Variants in SOX13 observed in about 807,000 individuals in gnomAD.
SOX13 encodes SRY-box transcription factor 13.
In SOX13, 28 loss-of-function variants were observed where a neutral mutation model predicts 71.8. The ratio of observed to expected loss-of-function variants is 0.39; its 90% CI spans 0.29 to 0.53. SOX13 has a LOEUF of 0.53. Among genes scored for constraint, SOX13 ranks in the 20% least tolerant of loss-of-function variants. The probability of loss-of-function intolerance (pLI) is 0.70; values close to 1 mark genes in which losing one functional copy is unlikely to be tolerated. For synonymous variants in SOX13, 309 were observed against 317.8 expected (o/e 0.97, Z 0.29); for missense variants, 627 against 810.3 (o/e 0.77, Z 2.75).
chr1:204,101,093 A>G (rs559015016), intron 1 of SOX13, among the ~76,000 whole-genome samples: 1 of 152,320 alleles, frequency 6.6e-6, no homozygotes, highest in Admixed American at 6.5e-5. Flanking sequence ...TTGTTTGCTG[A>G]CTGTTTGCAT....
chr1:204,116,524 G>C lies in SOX13; in HGVS notation c.436G>C (p.Ala146Pro). The C allele has an allele frequency of 1.2e-6, 2 of 1,613,984 alleles. No homozygotes were observed. Among genetic ancestry groups the C allele is most frequent in the Non-Finnish European group, 1.7e-6 (2 of 1,179,870 alleles). The change falls in exon 5 of 14, where the codon GCA (alanine) becomes CCA (proline). Residue 146 changes from alanine (A) to proline (P), a missense_variant. Around this residue, in one of 3 missense-constraint regions of SOX13, gnomAD observed 447 missense variants for 532.2 expected, o/e 0.84. Coordinates refer to ENST00000367204, the MANE Select transcript of SOX13 (RefSeq NM_005686.3). ...TGGAGCAGGGACCCAAGAGAGCCTA[G>C]CAGAGAAGGAGCTCCAGCTTCTGGT... is the stretch of plus-strand genomic sequence containing the variant. ...KDVKGTQESL[A>P]EKELQLLVMI... is the part of the protein sequence containing the mutation.
chr1:204,096,239 G>GTTTT lies in SOX13; in HGVS notation c.-1-16661_-1-16658dup, dbSNP rs59094119. 1.4e-3 allele frequency among the ~76,000 whole-genome samples: 122 copies of GTTTT among 85,354 alleles called. 11 individuals carry two copies. Among genetic ancestry groups the GTTTT allele is most frequent in the Middle Eastern group, 0.014 (1 of 72 alleles). The allele number at this position is 85,354 out of a possible 152,430, so 56.0% of individuals were successfully genotyped here. On this transcript the variant is annotated intron_variant, in intron 1 of 13. Transcript: ENST00000367204. ...CTTTTCTTTTCTTTTTCTTTCTTTC[G>GTTTT]TTTTTTTTTTTTTTTTTTGCGACAG...
At chr1:204,108,937 G>T (rs1656522143) in intron 1 of SOX13, among the ~76,000 whole-genome samples, 2 of 152,174 alleles carry the variant, frequency 1.3e-5, no homozygotes, top group East Asian at 1.9e-4. Flanking sequence ...TGAGCCCAGG[G>T]TTTGTTTGTT....
chr1:204,089,445 C>T (rs1656096124), intron 1 of SOX13, among the ~76,000 whole-genome samples: 1 of 152,194 alleles, frequency 6.6e-6, no homozygotes, highest in Non-Finnish European at 1.5e-5. Context: ...GAAATGAGGT[C>T]AGGACAGTGA....
Position 204,123,361 on chromosome 1 carries a change from C to A in SOX13, c.1231+153C>A, listed in dbSNP as rs368896612. Among the ~76,000 whole-genome samples, 122 of 152,280 alleles carry A rather than the reference C, an allele frequency of 8.0e-4. 1 individual carries two copies. The highest frequency in any genetic ancestry group is 4.6e-3 in the South Asian group (22 of 4,822). On this transcript the variant is annotated intron_variant, in intron 11 of 13. Transcript: ENST00000367204. This position sits in a 1 kb window ranked among gnomAD's most constrained non-coding sequence, Gnocchi z 5.0. Reference sequence around the variant, plus strand: ...CTCTGCTGTCCCATTATGTGTCTGTCGGCTCTGTCTCTGAGTCTGCTTTCC... The same window carrying A: ...CTCTGCTGTCCCATTATGTGTCTGTAGGCTCTGTCTCTGAGTCTGCTTTCC...
chr1:204,105,373 G>A (rs775509147), intron 1 of SOX13, among the ~76,000 whole-genome samples: 3 of 151,922 alleles, frequency 2.0e-5, no homozygotes, highest in Non-Finnish European at 4.4e-5. Flanking sequence ...ATGCCGCTTA[G>A]CGCCCCAGCT....
At chr1:204,080,404 C>T (rs1051017507) in intron 1 of SOX13, among the ~76,000 whole-genome samples, 11 of 152,122 alleles carry the variant, frequency 7.2e-5, no homozygotes, top group African/African-American at 2.2e-4. Flanking sequence ...GGGGAAGGGG[C>T]CACAGACTGG....
At chr1:204,107,415 C>G (rs1467077457) in intron 1 of SOX13, among the ~76,000 whole-genome samples, 1 of 152,114 alleles carries the variant, frequency 6.6e-6, no homozygotes, top group Non-Finnish European at 1.5e-5. Context: ...TGCAGAGTGA[C>G]AGAGCAGTGA....
chr1:204,079,533 T>C (rs1311981896), intron 1 of SOX13, among the ~76,000 whole-genome samples: 3 of 151,530 alleles, frequency 2.0e-5, no homozygotes, highest in Admixed American at 2.0e-4. Flanking sequence ...TTTAGGAGAG[T>C]TGGGGTTTCA....
intron 1 of SOX13, chr1:204,074,015 GC>G (rs1655730752): frequency 6.6e-6 from 1 of 151,728 alleles, no homozygotes; most frequent in South Asian, 2.1e-4. Context: ...GCGCGCGCGC[GC>G]GCGTTCACCA....
intron 5 of SOX13, 104 bp downstream of exon 5, chr1:204,116,783 C>T: frequency 6.5e-7 from 1 of 1,536,102 alleles, no homozygotes; most frequent in Non-Finnish European, 8.8e-7. Context: ...CAAGCTGGGG[C>T]CTGGGGGCAG....
intron 1 of SOX13, among the ~76,000 whole-genome samples, chr1:204,110,136 G>A (rs986318502): frequency 2.0e-5 from 3 of 151,386 alleles, no homozygotes; most frequent in Non-Finnish European, 4.4e-5. Flanking sequence ...CTGGCCAGTT[G>A]TTATCATTTC....
chr1:204,079,065 A>G (rs1180646379), intron 1 of SOX13, among the ~76,000 whole-genome samples: 9 of 152,060 alleles, frequency 5.9e-5, no homozygotes, highest in Admixed American at 3.9e-4. Context: ...TTGGGAGGCC[A>G]AGGCGGGCGG....
At chr1:204,125,378 A>G (rs571659992) in intron 13 of SOX13, among the ~76,000 whole-genome samples, 56 of 152,198 alleles carry the variant, frequency 3.7e-4, no homozygotes, top group African/African-American at 1.2e-3. Context: ...CAGCCTGGGC[A>G]ACATAGTGAA....
chr1:204,090,303 C>T (rs1656114954), intron 1 of SOX13, among the ~76,000 whole-genome samples: 1 of 152,028 alleles, frequency 6.6e-6, no homozygotes. Context: ...CTATTATTAT[C>T]CTCCACACTG....
At chr1:204,107,944 T>C (rs1404116228) in intron 1 of SOX13, among the ~76,000 whole-genome samples, 1 of 152,040 alleles carries the variant, frequency 6.6e-6, no homozygotes, top group African/African-American at 2.4e-5. Flanking sequence ...CCAGGAGCCA[T>C]TGTCTTTGTG....
chr1:204,123,437 T>G lies in SOX13; in HGVS notation c.1232-224T>G, dbSNP rs1206441498. 6.6e-6 allele frequency among the ~76,000 whole-genome samples: 1 copy of G among 152,232 alleles called. No homozygotes were observed. ...GCTCTCTCTTGAGGCCATACCGCTG[T>G]GATTTTCTTGTGTGTCTGTCTCTGG... On this transcript the variant is annotated intron_variant, in intron 11 of 13. Coordinates refer to ENST00000367204, the MANE Select transcript of SOX13 (RefSeq NM_005686.3). This position sits in a 1 kb window ranked among gnomAD's most constrained non-coding sequence, Gnocchi z 5.0.
chr1:204,089,786 C>T (rs951939919), intron 1 of SOX13, among the ~76,000 whole-genome samples: 4 of 152,214 alleles, frequency 2.6e-5, no homozygotes, highest in Admixed American at 6.5e-5. Flanking sequence ...GCCCAGGGCT[C>T]ATCACTGGTC....
intron 1 of SOX13, among the ~76,000 whole-genome samples, chr1:204,110,925 G>A (rs890536360): frequency 4.6e-4 from 70 of 151,654 alleles, no homozygotes; most frequent in Middle Eastern, 6.8e-3. Flanking sequence ...ATCAAAAAAT[G>A]TATTTAACAG....
Sources: gnomAD v4.1 joint callset for allele counts (sites outside exome capture counted in the v4.1 genomes callset) on GRCh38, gnomAD v4.1.1 for gene constraint, gnomAD v4.1.1 regional missense constraint, Gnocchi (gnomAD v3.1) non-coding constraint, MANE v1.5 for transcripts, NCBI Gene and HGNC (gene_info 2026-07-23, HGNC 2026-07-21) for gene names.